The following GNA15 variants were observed in gnomAD, a reference collection of about 807,000 sequenced individuals.
GNA15 encodes guanine nucleotide-binding protein subunit alpha-15.
In GNA15, 23 loss-of-function variants were observed where a neutral mutation model predicts 40.1. That is an observed-to-expected ratio of 0.57 (90% CI 0.41 to 0.81). The LOEUF is 0.81. GNA15 is among the 40% of genes least tolerant of loss of function. The pLI is 0.00. For missense variants in GNA15, 522 were observed against 515.8 expected (o/e 1.01, Z -0.12); for synonymous variants, 226 against 210.4 (o/e 1.07, Z -0.64).
chr19:3,160,560 G>A (rs540385998), intron 6 of GNA15, among the ~76,000 whole-genome samples: 1 of 152,308 alleles, frequency 6.6e-6, no homozygotes, highest in South Asian at 2.1e-4. Flanking sequence ...TCCATCTCTT[G>A]AAGGCAGCAT....
chr19:3,145,001 G>A (rs1276166018), intron 1 of GNA15, among the ~76,000 whole-genome samples: 1 of 150,084 alleles, frequency 6.7e-6, no homozygotes, highest in Non-Finnish European at 1.5e-5. Context: ...GCTAATTTTT[G>A]TATTTTTAGT....
chr19:3,137,822 A>T (rs1914488235), intron 1 of GNA15, among the ~76,000 whole-genome samples: 1 of 150,314 alleles, frequency 6.7e-6, no homozygotes, highest in South Asian at 2.1e-4. Context: ...TTAGCTGGGC[A>T]TGGTGGCACA....
rs768321367 is a variant in GNA15, at chr19:3,151,694, C to T, written c.486-13C>T. The T allele has an allele frequency of 1.7e-5, 27 of 1,579,732 alleles. No homozygotes were observed. The highest frequency in any genetic ancestry group is 5.4e-5 in the African/African-American group (4 of 73,734). On this transcript the variant is annotated splice_polypyrimidine_tract_variant and intron_variant, in intron 3 of 6. Transcript: ENST00000262958. This position sits in a 1 kb window ranked among gnomAD's most constrained non-coding sequence, Gnocchi z 5.0. ...GGCTGCAAGGCTGGGCCTCAGGACT[C>T]CTTGCTCTGCAGCTACCTGTCCCAC...
intron 1 of GNA15, among the ~76,000 whole-genome samples, chr19:3,146,835 C>CA (rs749361736): frequency 6.4e-4 from 98 of 152,106 alleles, no homozygotes; most frequent in Non-Finnish European, 1.2e-3. Flanking sequence ...CCATGGCTCC[C>CA]AAGTCCCTCA....
chr19:3,155,971 C>G lies in GNA15; in HGVS notation c.744+19C>G. On this transcript the variant is annotated intron_variant, in intron 5 of 6. Transcript: ENST00000262958. This position sits in a 1 kb window ranked among gnomAD's most constrained non-coding sequence, Gnocchi z 5.6. ...CCAGGAGGTGCGCCACCGCCTCCCT[C>G]GCCCTGCCCACTTGTTGGCCCAGGG... is the stretch of plus-strand genomic sequence containing the variant. 6.2e-7 allele frequency: 1 copy of G among 1,611,392 alleles called. No individual in the cohort carries two copies.
At chr19:3,156,616 C>A in intron 5 of GNA15, among the ~76,000 whole-genome samples, 1 of 152,198 alleles carries the variant, frequency 6.6e-6, no homozygotes, top group Middle Eastern at 3.4e-3. Context: ...CCTCAGCCTC[C>A]GGAGTAGGTG....
At chr19:3,145,696 C>T (rs1276947983) in intron 1 of GNA15, among the ~76,000 whole-genome samples, 3 of 144,250 alleles carry the variant, frequency 2.1e-5, no homozygotes, top group East Asian at 4.1e-4. Context: ...TACAGGCGCC[C>T]ACCAGCATGC....
Position 3,162,905 on chromosome 19 carries a change from A to G in GNA15, c.1011A>G (p.Arg337=). Residue 337 remains arginine, a synonymous_variant, in exon 7 of 7, where the codon CGA becomes CGG. Transcript: ENST00000262958. The part of the protein sequence containing the change: ...PEGSKKGARS[R]RLFSHYTCAT... ...GCAGCAAGAAGGGCGCACGATCCCG[A>G]CGCCTCTTCAGCCACTACACATGTG... 1 of 1,613,628 alleles carries G rather than the reference A, an allele frequency of 6.2e-7. No homozygotes were observed. Among genetic ancestry groups the G allele is most frequent in the Non-Finnish European group, 8.5e-7 (1 of 1,179,656 alleles).
At chr19:3,137,568 G>A (rs536118552) in intron 1 of GNA15, among the ~76,000 whole-genome samples, 1 of 152,220 alleles carries the variant, frequency 6.6e-6, no homozygotes, top group Non-Finnish European at 1.5e-5. Flanking sequence ...TGGATCACAA[G>A]GTCGGGAGAT....
At chr19:3,139,385 C>T (rs1914525807) in intron 1 of GNA15, among the ~76,000 whole-genome samples, 2 of 150,672 alleles carry the variant, frequency 1.3e-5, no homozygotes, top group African/African-American at 4.9e-5. Context: ...TTAGGAGTTT[C>T]AGACCAGCCT....
In GNA15 at chr19:3,163,269, G is replaced by A. The variant is rs1189814663; in HGVS notation, c.*250G>A. On this transcript the variant is annotated 3_prime_UTR_variant, in exon 7 of 7. Transcript: ENST00000262958. ...AGGGAAGGAGCAAAACGGCCATTTG[G>A]GATGCCAGGGTGGATGAAAAGGTGA... is the stretch of plus-strand genomic sequence containing the variant. 2 of 539,552 alleles carry A rather than the reference G, an allele frequency of 3.7e-6. No homozygotes were observed. The highest frequency in any genetic ancestry group is 6.7e-6 in the Non-Finnish European group (2 of 299,086). 33.4% of individuals were successfully genotyped at this position (539,552 alleles called of 1,614,324 possible). A position where few individuals can be genotyped will look rare whatever the true frequency, so the allele number is the denominator to read the frequency against.
rs139749943 is a variant in GNA15 at position 3,150,820 on chromosome 19, G to A, written c.485+535G>A. 8.3e-3 allele frequency among the ~76,000 whole-genome samples: 1,259 copies of A among 151,598 alleles called. 10 individuals are homozygous for A. The highest frequency in any genetic ancestry group is 0.012 in the Non-Finnish European group (792 of 67,774). On this transcript the variant is annotated intron_variant, in intron 3 of 6. Transcript: ENST00000262958. ...TCCTGGAGAACCCTGTTCCTGGAGTGACCCTGGGCCTTGGAGTCCCTGTTC... is the reference window on the plus strand; with the variant it reads ...TCCTGGAGAACCCTGTTCCTGGAGTAACCCTGGGCCTTGGAGTCCCTGTTC...
chr19:3,137,772 C>G (rs369987726), intron 1 of GNA15, among the ~76,000 whole-genome samples: 1 of 150,008 alleles, frequency 6.7e-6, no homozygotes, highest in Admixed American at 6.6e-5. Context: ...CAGAGTGAGA[C>G]GCCATCTCAA....
chr19:3,154,176 GATGGATGGATGA>G (rs1914949596), intron 4 of GNA15, among the ~76,000 whole-genome samples: 1 of 117,364 alleles, frequency 8.5e-6, no homozygotes, highest in Non-Finnish European at 2.0e-5. Context: ...TGGATGGATG[GATGGATGGATGA>G]ATGGGTGGAT....
chr19:3,160,205 C>T (rs1301063234), intron 6 of GNA15, among the ~76,000 whole-genome samples: 1 of 152,028 alleles, frequency 6.6e-6, no homozygotes, highest in Non-Finnish European at 1.5e-5. Flanking sequence ...ATGGCTTCTT[C>T]CCCCATATGT....
At chr19:3,139,034 C>T (rs1258385949) in intron 1 of GNA15, among the ~76,000 whole-genome samples, 3 of 151,338 alleles carry the variant, frequency 2.0e-5, no homozygotes, top group Non-Finnish European at 2.9e-5. Context: ...CAACCTCCGC[C>T]TCCTGGGTTC....
intron 1 of GNA15, among the ~76,000 whole-genome samples, chr19:3,144,987 C>T (rs148447248): frequency 2.6e-5 from 4 of 151,672 alleles, no homozygotes; most frequent in African/African-American, 9.7e-5. Context: ...CGCCACCATG[C>T]CCAGCTAATT....
In GNA15 at chr19:3,148,644, G is replaced by T; in HGVS notation, c.199G>T (p.Gly67Cys). Residue 67 changes from glycine to cysteine, a missense_variant, in exon 2 of 7, where the codon GGC (glycine) becomes TGC (cysteine). Gly to Cys is a radical substitution (Grantham distance 159). Coordinates refer to ENST00000262958, the MANE Select transcript of GNA15 (RefSeq NM_002068.4). ...CATCAAGCAGATGCGGATCATCCACGGCGCCGGCTACTCGGAGGAGGAGCG... is the reference window on the plus strand; with the variant it reads ...CATCAAGCAGATGCGGATCATCCACTGCGCCGGCTACTCGGAGGAGGAGCG... ...TFIKQMRIIH[G>C]AGYSEEERKG... The T allele has an allele frequency of 1.3e-6, 2 of 1,588,850 alleles. No individual in the cohort carries two copies. Among genetic ancestry groups the T allele is most frequent in the East Asian group, 2.3e-5 (1 of 43,744 alleles).
chr19:3,147,580 C>A (rs959403417), intron 1 of GNA15, among the ~76,000 whole-genome samples: 2 of 142,666 alleles, frequency 1.4e-5, no homozygotes, highest in African/African-American at 5.2e-5. Context: ...AAGAAAAAAA[C>A]CCATAAGAAC....
Sources: gnomAD v4.1 joint callset for allele counts (sites outside exome capture counted in the v4.1 genomes callset) on GRCh38, gnomAD v4.1.1 for gene constraint, Gnocchi (gnomAD v3.1) non-coding constraint, MANE v1.5 for transcripts, NCBI Gene and HGNC (gene_info 2026-07-23, HGNC 2026-07-21) for gene names.